Variants in UBQLN1 observed in about 807,000 individuals in gnomAD.
UBQLN1 encodes ubiquilin 1, also known as ubiquilin-1.
A neutral mutation model predicts 65.4 loss-of-function variants in UBQLN1; 13 were observed. The ratio of observed to expected loss-of-function variants is 0.20; its 90% CI spans 0.13 to 0.32. The LOEUF (loss-of-function observed/expected upper bound fraction) is 0.32, where lower values mean the gene tolerates loss of function less well. Ranked by LOEUF, UBQLN1 falls within the 10% of genes least tolerant of loss-of-function variation. UBQLN1 has a pLI of 1.00. For synonymous variants in UBQLN1, 267 were observed against 247.8 expected, an observed-to-expected ratio of 1.08 and a Z score of -0.73; for missense variants, 561 against 724.0, an observed-to-expected ratio of 0.77 and a Z score of 2.58.
intron 3 of UBQLN1, among the ~76,000 whole-genome samples, chr9:83,681,492 T>C (rs1461313584): frequency 6.6e-6 from 1 of 152,150 alleles, no homozygotes; most frequent in Non-Finnish European, 1.5e-5. Flanking sequence ...ATAACCCAAG[T>C]GGAATGGCTA....
At position 83,661,627 on chromosome 9, in the gene UBQLN1, AC is replaced by A. The variant is rs1410079001; in HGVS notation, c.*159del. 26 of 659,204 alleles carry A rather than the reference AC, an allele frequency of 3.9e-5. No individual in the cohort carries two copies. Among genetic ancestry groups the A allele is most frequent in the Non-Finnish European group, 4.8e-5 (21 of 434,600 alleles). 40.8% of individuals were successfully genotyped at this position (659,204 alleles called of 1,614,324 possible). A position where few individuals can be genotyped will look rare whatever the true frequency, so the allele number is the denominator to read the frequency against. On this transcript the variant is annotated 3_prime_UTR_variant, in exon 11 of 11. Transcript: ENST00000376395. ...TTCCAGAAAAGAAAAATACAGAAAAACCCACACATCTTACTGTACTCCACCT... is the reference window on the plus strand; with the variant it reads ...TTCCAGAAAAGAAAAATACAGAAAAACCACACATCTTACTGTACTCCACCT...
chr9:83,666,615 AC>A, intron 7 of UBQLN1, 182 bp from the exon 8 acceptor site: 1 of 513,604 alleles, frequency 1.9e-6, no homozygotes, highest in Non-Finnish European at 3.5e-6. Context: ...AAGAACAAAA[AC>A]AAAAAAATGA....
At chr9:83,693,283 G>C (rs1362518541) in intron 1 of UBQLN1, among the ~76,000 whole-genome samples, 5 of 152,124 alleles carry the variant, frequency 3.3e-5, no homozygotes, top group African/African-American at 9.7e-5. Context: ...CACATGAGTG[G>C]ATTCTCCAGC....
chr9:83,661,604 C>G lies in UBQLN1; in HGVS notation c.*183G>C, dbSNP rs1371702649. On this transcript the variant is annotated 3_prime_UTR_variant, in exon 11 of 11. Coordinates refer to ENST00000376395, the MANE Select transcript of UBQLN1 (RefSeq NM_013438.5). ...TGCAGTAGCCTTAATTCCCACTGTT[C>G]CAGAAAAGAAAAATACAGAAAAACC... The G allele has an allele frequency of 7.2e-6, 4 of 552,704 alleles. No homozygotes were observed. Among genetic ancestry groups the G allele is most frequent in the Admixed American group, 3.7e-5 (1 of 26,792 alleles). The allele number at this position is 552,704 out of a possible 1,614,324, so 34.2% of individuals were successfully genotyped here. A position where few individuals can be genotyped will look rare whatever the true frequency, so the allele number is the denominator to read the frequency against.
chr9:83,684,873 T>G (rs1440516473), intron 2 of UBQLN1, among the ~76,000 whole-genome samples: 1 of 147,468 alleles, frequency 6.8e-6, no homozygotes, highest in East Asian at 2.0e-4. Flanking sequence ...CAGATAAGAG[T>G]TTTGAATGCC....
intron 2 of UBQLN1, among the ~76,000 whole-genome samples, chr9:83,685,103 A>T (rs896088813): frequency 6.6e-6 from 1 of 152,194 alleles, no homozygotes; most frequent in African/African-American, 2.4e-5. Context: ...TTACACTATT[A>T]ATTGGCACTG....
At chr9:83,694,521 A>G (rs2131179724) in intron 1 of UBQLN1, among the ~76,000 whole-genome samples, 1 of 152,328 alleles carries the variant, frequency 6.6e-6, no homozygotes, top group East Asian at 1.9e-4. Context: ...AAACTACTAC[A>G]CTGAATATGT....
Position 83,707,783 on chromosome 9 carries a change from A to C in UBQLN1, c.-104T>G, listed in dbSNP as rs1832443482. ...AGCCGGCAGGCCTGGACAGCGAAGA[A>C]TGCAGAGCACGCCGCCTCAGTAGCA... On this transcript the variant is annotated 5_prime_UTR_variant, in exon 1 of 11. Transcript: ENST00000376395. 7.1e-7 allele frequency: 1 copy of C among 1,415,850 alleles called. No individual in the cohort carries two copies. The highest frequency in any genetic ancestry group is 9.2e-7 in the Non-Finnish European group (1 of 1,088,204). The allele number at this position is 1,415,850 out of a possible 1,614,324, so 87.7% of individuals were successfully genotyped here.
rs1198666857 is a variant in UBQLN1 at position 83,668,464 on chromosome 9, G to A, written c.1248+721C>T. The A allele has an allele frequency of 1.3e-5, 13 of 985,104 alleles. No homozygotes were observed. In the Middle Eastern group the frequency reaches 2.1e-3, roughly 157 times the overall value. 61.0% of individuals were successfully genotyped at this position (985,104 alleles called of 1,614,324 possible). A position where few individuals can be genotyped will look rare whatever the true frequency, so the allele number is the denominator to read the frequency against. On this transcript the variant is annotated intron_variant, in intron 7 of 10. Coordinates refer to ENST00000376395, the MANE Select transcript of UBQLN1 (RefSeq NM_013438.5). Reference sequence around the variant, plus strand: ...GTGGTTTTTCAAGCCCTGTGGTATGGAACCTAGATAGTACCTAGGCAACTT... The same window carrying A: ...GTGGTTTTTCAAGCCCTGTGGTATGAAACCTAGATAGTACCTAGGCAACTT...
intron 1 of UBQLN1, among the ~76,000 whole-genome samples, chr9:83,688,990 T>C (rs1312522132): frequency 1.3e-5 from 2 of 152,224 alleles, no homozygotes; most frequent in African/African-American, 4.8e-5. Context: ...TACGATTCAA[T>C]GGTTTCTGGA....
chr9:83,685,923 A>G, intron 2 of UBQLN1, 81 bp downstream of exon 2: 1 of 1,261,626 alleles, frequency 7.9e-7, no homozygotes, highest in Non-Finnish European at 1.1e-6. Flanking sequence ...AGGGAAAGTA[A>G]TTTACAGCCA....
chr9:83,700,709 AC>A (rs1388718740), intron 1 of UBQLN1, among the ~76,000 whole-genome samples: 1 of 152,210 alleles, frequency 6.6e-6, no homozygotes. Context: ...AACAAACTGT[AC>A]AGAAGTCCTC....
At chr9:83,704,824 C>CAAAAAAAAAAA (rs780432842) in intron 1 of UBQLN1, among the ~76,000 whole-genome samples, 1 of 69,532 alleles carries the variant, frequency 1.4e-5, no homozygotes, top group East Asian at 4.7e-4. Context: ...GACTCCATCT[C>CAAAAAAAAAAA]AAAAAAAAAA....
At position 83,707,751 on chromosome 9, in the gene UBQLN1, A is replaced by G. The variant is rs980819909; in HGVS notation, c.-72T>C. ...CAGGCGAGCAAGGAGGAGCCAGCAG[A>G]CACCAGAGCCGGCAGGCCTGGACAG... On this transcript the variant is annotated 5_prime_UTR_variant, in exon 1 of 11. Coordinates refer to ENST00000376395, the MANE Select transcript of UBQLN1 (RefSeq NM_013438.5). 8 of 1,480,590 alleles carry G rather than the reference A, an allele frequency of 5.4e-6. No individual in the cohort carries two copies. The highest frequency in any genetic ancestry group is 7.1e-6 in the Non-Finnish European group (8 of 1,126,440). 91.7% of individuals were successfully genotyped at this position (1,480,590 alleles called of 1,614,324 possible). A position where few individuals can be genotyped will look rare whatever the true frequency, so the allele number is the denominator to read the frequency against.
intron 1 of UBQLN1, among the ~76,000 whole-genome samples, chr9:83,691,918 T>A (rs1832135227): frequency 6.6e-6 from 1 of 152,252 alleles, no homozygotes; most frequent in Non-Finnish European, 1.5e-5. Context: ...GACAACTGCA[T>A]ATGACTACCA....
chr9:83,665,246 C>G (rs1831625829), intron 8 of UBQLN1, 101 bp from the exon 9 acceptor site: 1 of 824,448 alleles, frequency 1.2e-6, no homozygotes, highest in African/African-American at 1.7e-5. Flanking sequence ...AATCTAAAAC[C>G]TTACTCCTGG....
At chr9:83,700,275 T>C (rs554871481) in intron 1 of UBQLN1, among the ~76,000 whole-genome samples, 1 of 152,258 alleles carries the variant, frequency 6.6e-6, no homozygotes, top group Non-Finnish European at 1.5e-5. Flanking sequence ...GAGTTGTGCC[T>C]GGAGAGTGGT....
At chr9:83,682,572 G>A (rs1831960635) in intron 3 of UBQLN1, among the ~76,000 whole-genome samples, 1 of 152,118 alleles carries the variant, frequency 6.6e-6, no homozygotes, top group South Asian at 2.1e-4. Context: ...CCCCTTCCAT[G>A]TGTTCAGGAC....
chr9:83,674,620 GTCTAC>G (rs1344824016), intron 6 of UBQLN1, among the ~76,000 whole-genome samples: 1 of 152,148 alleles, frequency 6.6e-6, no homozygotes, highest in Non-Finnish European at 1.5e-5. Flanking sequence ...ACTCACTGAA[GTCTAC>G]TCGGCTCTCA....
Sources: gnomAD v4.1 joint callset for allele counts (sites outside exome capture counted in the v4.1 genomes callset) on GRCh38, gnomAD v4.1.1 for gene constraint, MANE v1.5 for transcripts, NCBI Gene and HGNC (gene_info 2026-07-23, HGNC 2026-07-21) for gene names.